The following SPIDR variants were observed in gnomAD, a reference collection of about 807,000 sequenced individuals.
SPIDR encodes the protein DNA repair-scaffolding protein.
Under a neutral mutation model 104.6 loss-of-function variants are expected in SPIDR, and 93 were observed. The observed-to-expected ratio is 0.89, with a 90% CI of 0.75 to 1.06. The LOEUF is 1.06. SPIDR is among the 50% of genes least tolerant of loss of function. The pLI, the probability that SPIDR is intolerant of heterozygous loss-of-function variation, is 0.00. For synonymous variants in SPIDR, 431 were observed against 416.9 expected (o/e 1.03, Z -0.41); for missense variants, 1,154 against 1,111.2 (o/e 1.04, Z -0.55).
chr8:47,281,507 TC>T (rs2037771365), intron 2 of SPIDR, among the ~76,000 whole-genome samples: 2 of 152,214 alleles, frequency 1.3e-5, no homozygotes, highest in African/African-American at 4.8e-5. Flanking sequence ...TGTTATCACT[TC>T]AACAATGTTC....
At chr8:47,674,084 A>G (rs907496771) in intron 11 of SPIDR, 143 bp downstream of exon 11, 10 of 1,010,090 alleles carry the variant, frequency 9.9e-6, no homozygotes, top group Non-Finnish European at 1.4e-5. Context: ...CCAGGAGTTG[A>G]GTGGAATCTA....
intron 5 of SPIDR, among the ~76,000 whole-genome samples, chr8:47,369,720 A>T (rs1183249092): frequency 1.3e-5 from 2 of 152,220 alleles, no homozygotes; most frequent in Admixed American, 1.3e-4. Flanking sequence ...TATGAAGAGG[A>T]TACTTTGTAG....
intron 8 of SPIDR, among the ~76,000 whole-genome samples, chr8:47,484,195 T>C (rs1238532565): frequency 1.3e-5 from 2 of 152,220 alleles, no homozygotes; most frequent in Non-Finnish European, 2.9e-5. Flanking sequence ...GAAGGGAAGT[T>C]GCAGGTGTAA....
chr8:47,602,008 A>T (rs935944997), intron 10 of SPIDR, among the ~76,000 whole-genome samples: 1 of 152,238 alleles, frequency 6.6e-6, no homozygotes, highest in Non-Finnish European at 1.5e-5. Flanking sequence ...TTTATTCACT[A>T]CTAATTCTTT....
intron 11 of SPIDR, among the ~76,000 whole-genome samples, chr8:47,700,145 C>A (rs1163892652): frequency 6.6e-6 from 1 of 152,144 alleles, no homozygotes; most frequent in African/African-American, 2.4e-5. Flanking sequence ...TTCTTTGTAA[C>A]CATTTCAGTG....
At chr8:47,632,775 T>C (rs2067271158) in intron 10 of SPIDR, among the ~76,000 whole-genome samples, 1 of 152,184 alleles carries the variant, frequency 6.6e-6, no homozygotes, top group Non-Finnish European at 1.5e-5. Flanking sequence ...AACTAATGAA[T>C]AAAGCACACA....
intron 7 of SPIDR, among the ~76,000 whole-genome samples, chr8:47,427,876 G>A (rs1436086617): frequency 1.3e-5 from 2 of 152,156 alleles, no homozygotes; most frequent in African/African-American, 4.8e-5. Context: ...CACTTGAGTG[G>A]CTGGGAGAAG....
intron 2 of SPIDR, among the ~76,000 whole-genome samples, chr8:47,283,467 A>G (rs1429684995): frequency 6.6e-6 from 1 of 152,204 alleles, no homozygotes; most frequent in African/African-American, 2.4e-5. Flanking sequence ...GTAAAGTTTG[A>G]AATCTTGGAA....
intron 8 of SPIDR, among the ~76,000 whole-genome samples, chr8:47,513,730 A>G (rs995371797): frequency 6.6e-6 from 1 of 152,136 alleles, no homozygotes; most frequent in Non-Finnish European, 1.5e-5. Flanking sequence ...ATGTGGCTGT[A>G]ATGTTTCATT....
chr8:47,414,907 T>C (rs2064018952), intron 7 of SPIDR, among the ~76,000 whole-genome samples: 1 of 152,166 alleles, frequency 6.6e-6, no homozygotes, highest in South Asian at 2.1e-4. Flanking sequence ...TTGTTTTGTT[T>C]TGTTTTTTTT....
chr8:47,260,884 AG>A, upstream of SPIDR: 1 of 1,165,664 alleles, frequency 8.6e-7, no homozygotes, highest in Non-Finnish European at 1.1e-6. Flanking sequence ...CGCCAATGGC[AG>A]GGCGCGGTGC....
chr8:47,276,503 A>G (rs2036450846), intron 1 of SPIDR, among the ~76,000 whole-genome samples: 1 of 152,232 alleles, frequency 6.6e-6, no homozygotes, highest in Admixed American at 6.5e-5. Flanking sequence ...ATTAAAATGT[A>G]GGTAACAAAT....
intron 16 of SPIDR, among the ~76,000 whole-genome samples, chr8:47,724,558 A>G (rs536045908): frequency 1.8e-3 from 277 of 152,332 alleles, no homozygotes; most frequent in Non-Finnish European, 3.0e-3. Context: ...CATGGCTCCA[A>G]GGGGACCCCT....
chr8:47,383,355 T>C (rs2059541236), intron 5 of SPIDR, among the ~76,000 whole-genome samples: 1 of 152,248 alleles, frequency 6.6e-6, no homozygotes, highest in Non-Finnish European at 1.5e-5. Flanking sequence ...AACTGACTCT[T>C]TCTCTGAAGT....
intron 8 of SPIDR, among the ~76,000 whole-genome samples, chr8:47,562,127 C>G (rs999477256): frequency 6.6e-6 from 1 of 152,158 alleles, no homozygotes; most frequent in Non-Finnish European, 1.5e-5. Flanking sequence ...ATAATTTCAC[C>G]TAGTTAACAG....
At chr8:47,661,126 T>A in intron 10 of SPIDR, 1 of 191,670 alleles carries the variant, frequency 5.2e-6, no homozygotes, top group Non-Finnish European at 9.6e-6. Flanking sequence ...GCATTGATCT[T>A]AAACATTAAA....
At chr8:47,462,361 G>C (rs1456759076) in intron 8 of SPIDR, among the ~76,000 whole-genome samples, 1 of 152,094 alleles carries the variant, frequency 6.6e-6, no homozygotes, top group African/African-American at 2.4e-5. Context: ...AGGGTCTGTG[G>C]ATTCTCTTGG....
chr8:47,505,594 A>C (rs999785829), intron 8 of SPIDR, among the ~76,000 whole-genome samples: 1 of 152,218 alleles, frequency 6.6e-6, no homozygotes. Flanking sequence ...CGGGTGAGGC[A>C]GTGCCTCGCC....
intron 10 of SPIDR, among the ~76,000 whole-genome samples, chr8:47,609,936 T>G (rs1312030267): frequency 6.6e-6 from 1 of 152,172 alleles, no homozygotes; most frequent in Admixed American, 6.5e-5. Context: ...CCTGGGGATG[T>G]GAGTACAGAC....
Sources: allele counts gnomAD v4.1 joint callset (sites outside exome capture counted in the v4.1 genomes callset), GRCh38; gene constraint gnomAD v4.1.1; transcripts MANE v1.5; gene names NCBI Gene and HGNC (gene_info 2026-07-23, HGNC 2026-07-21).